TMEM117: variants seen among roughly 807,000 people sequenced by gnomAD.
The protein encoded by TMEM117 is transmembrane protein 117.
In TMEM117, 27 loss-of-function variants were observed where a neutral mutation model predicts 52.4. That is an observed-to-expected ratio of 0.51 (90% confidence interval 0.38 to 0.71). The LOEUF (loss-of-function observed/expected upper bound fraction) is 0.71. Ranked by LOEUF, TMEM117 falls within the 30% of genes least tolerant of loss-of-function variation. The pLI, the probability that TMEM117 is intolerant of heterozygous loss-of-function variation, is 0.00. For missense variants in TMEM117, 556 were observed against 630.5 expected, an observed-to-expected ratio of 0.88 and a Z score of 1.26; for synonymous variants, 215 against 206.3, an observed-to-expected ratio of 1.04 and a Z score of -0.36.
Position 44,148,750 on chromosome 12 carries a change from C to T in TMEM117, c.510+5126C>T, listed in dbSNP as rs1410586520. On this transcript the variant is annotated intron_variant, in intron 4 of 7. Transcript: ENST00000266534. ...GTCAATCATATTTATAATTATATTC[C>T]TAACACCCAACACAGAACCAGGTAT... Among the ~76,000 whole-genome samples, 18 of 152,152 alleles carry T rather than the reference C, an allele frequency of 1.2e-4. No individual in the cohort carries two copies. The East Asian group carries it at 3.3e-3, about 28-fold the overall frequency.
intron 2 of TMEM117, among the ~76,000 whole-genome samples, chr12:43,943,417 A>G (rs979905972): frequency 3.9e-5 from 6 of 152,072 alleles, no homozygotes; most frequent in African/African-American, 1.4e-4. Flanking sequence ...TCTCTTTACC[A>G]TAAATCAAAA....
At chr12:43,870,733 C>T (rs1943689635) in intron 2 of TMEM117, among the ~76,000 whole-genome samples, 1 of 148,988 alleles carries the variant, frequency 6.7e-6, no homozygotes, top group African/African-American at 2.4e-5. Flanking sequence ...TGTACTCCCA[C>T]CAACAGTGTA....
chr12:44,034,754 A>T (rs1201720650), intron 3 of TMEM117, among the ~76,000 whole-genome samples: 1 of 152,220 alleles, frequency 6.6e-6, no homozygotes, highest in Non-Finnish European at 1.5e-5. Flanking sequence ...ACATTGTGAC[A>T]GTTTTATGAG....
intron 4 of TMEM117, among the ~76,000 whole-genome samples, chr12:44,189,411 G>T (rs1949322354): frequency 6.6e-6 from 1 of 152,158 alleles, no homozygotes; most frequent in African/African-American, 2.4e-5. Context: ...GAATGGCTTT[G>T]AGAAGCTAGA....
At chr12:43,922,554 C>T (rs545057806) in intron 2 of TMEM117, among the ~76,000 whole-genome samples, 13 of 152,216 alleles carry the variant, frequency 8.5e-5, no homozygotes, top group Admixed American at 5.2e-4. Context: ...CTCATTAGGG[C>T]GTTCCGTTTG....
intron 2 of TMEM117, among the ~76,000 whole-genome samples, chr12:43,874,067 C>T (rs577478405): frequency 1.3e-5 from 2 of 151,752 alleles, no homozygotes; most frequent in Non-Finnish European, 2.9e-5. Context: ...TTTATTTATT[C>T]TGTTCTATTT....
chr12:44,159,299 A>G (rs1487473777), intron 4 of TMEM117, among the ~76,000 whole-genome samples: 1 of 152,152 alleles, frequency 6.6e-6, no homozygotes, highest in East Asian at 1.9e-4. Context: ...TCCTTTGAAA[A>G]AACATTATTT....
intron 3 of TMEM117, among the ~76,000 whole-genome samples, chr12:43,984,276 G>A (rs1945808912): frequency 6.6e-6 from 1 of 152,058 alleles, no homozygotes; most frequent in Non-Finnish European, 1.5e-5. Flanking sequence ...GCTGAGGCAT[G>A]AGAATCGCTT....
intron 5 of TMEM117, among the ~76,000 whole-genome samples, chr12:44,285,459 A>C (rs887537871): frequency 6.6e-6 from 1 of 152,210 alleles, no homozygotes; most frequent in Non-Finnish European, 1.5e-5. Flanking sequence ...TTGGCCAAAA[A>C]ACAGCAGCAG....
intron 5 of TMEM117, among the ~76,000 whole-genome samples, chr12:44,277,909 G>A (rs932540973): frequency 4.6e-5 from 7 of 151,672 alleles, no homozygotes; most frequent in South Asian, 2.1e-4. Flanking sequence ...GATTACAGGC[G>A]CATGCCACCA....
intron 2 of TMEM117, among the ~76,000 whole-genome samples, chr12:43,908,125 C>A (rs1199943544): frequency 4.5e-4 from 27 of 60,504 alleles, no homozygotes; most frequent in African/African-American, 8.3e-4. Flanking sequence ...AAAGGGAAGC[C>A]CATCAGACTA....
At chr12:43,836,492 C>T (rs1020392088) in intron 1 of TMEM117, among the ~76,000 whole-genome samples, 1 of 152,172 alleles carries the variant, frequency 6.6e-6, no homozygotes, top group Non-Finnish European at 1.5e-5. Flanking sequence ...TGGTGGGAGT[C>T]CTCAAACTCC....
At chr12:44,337,948 A>G (rs960401728) in intron 6 of TMEM117, among the ~76,000 whole-genome samples, 3 of 152,116 alleles carry the variant, frequency 2.0e-5, no homozygotes, top group African/African-American at 7.2e-5. Flanking sequence ...ACTGACCTAC[A>G]TGGGGAAATG....
intron 3 of TMEM117, among the ~76,000 whole-genome samples, chr12:44,057,035 T>C (rs1007925467): frequency 1.6e-4 from 24 of 152,184 alleles, no homozygotes; most frequent in African/African-American, 5.5e-4. Context: ...ATCTCCACCT[T>C]ATTTGTGCTT....
chr12:44,090,354 G>T (rs1415285969), intron 3 of TMEM117, among the ~76,000 whole-genome samples: 4 of 151,164 alleles, frequency 2.6e-5, no homozygotes, highest in Non-Finnish European at 5.9e-5. Flanking sequence ...AGGGTTTATT[G>T]TTCCTGTCTT....
intron 2 of TMEM117, among the ~76,000 whole-genome samples, chr12:43,883,766 A>C (rs28395386): frequency 0.023 from 3,449 of 151,604 alleles, 108 homozygotes; most frequent in African/African-American, 0.075. Context: ...AAAGACAAAA[A>C]AAAAAACAAA....
At chr12:43,999,787 C>T (rs59634874) in intron 3 of TMEM117, among the ~76,000 whole-genome samples, 1,710 of 152,150 alleles carry the variant, frequency 0.011, 36 homozygotes, top group African/African-American at 0.039. Flanking sequence ...CCACCGTGCC[C>T]GGCTGGATAT....
chr12:44,101,751 G>A (rs143882617), intron 3 of TMEM117, among the ~76,000 whole-genome samples: 50 of 152,058 alleles, frequency 3.3e-4, no homozygotes, highest in African/African-American at 1.1e-3. Context: ...ACTCTCCTCC[G>A]TACACCAGCT....
At chr12:43,799,734 T>C in the TMEM117 span, among the ~76,000 whole-genome samples, 1 of 152,114 alleles carries the variant, frequency 6.6e-6, no homozygotes, top group Non-Finnish European at 1.5e-5. Context: ...ACTAAATATT[T>C]TGTATGAGTT....
Sources: gnomAD v4.1 joint callset for allele counts (sites outside exome capture counted in the v4.1 genomes callset) on GRCh38, gnomAD v4.1.1 for gene constraint, MANE v1.5 for transcripts, NCBI Gene and HGNC (gene_info 2026-07-23, HGNC 2026-07-21) for gene names.